The following CDH4 variants were observed in gnomAD, a reference collection of about 807,000 sequenced individuals.
CDH4 encodes cadherin-4.
A neutral mutation model predicts 86.0 loss-of-function variants in CDH4; 33 were observed. That is an observed-to-expected ratio of 0.38 (90% CI 0.29 to 0.51). CDH4 has a LOEUF of 0.51. Among genes scored for constraint, CDH4 ranks in the 20% least tolerant of loss-of-function variants. CDH4 has a pLI of 0.86. For missense variants in CDH4, 1,114 were observed against 1,307.4 expected (o/e 0.85, Z 2.28); for synonymous variants, 555 against 549.4 (o/e 1.01, Z -0.14).
chr20:61,317,174 C>T (rs2084481318), intron 2 of CDH4, among the ~76,000 whole-genome samples: 1 of 152,056 alleles, frequency 6.6e-6, no homozygotes, highest in Non-Finnish European at 1.5e-5. Context: ...GTGAGGAGAT[C>T]AAGACCATCC....
intron 2 of CDH4, among the ~76,000 whole-genome samples, chr20:61,371,016 C>T (rs959661704): frequency 6.6e-6 from 1 of 152,218 alleles, no homozygotes; most frequent in African/African-American, 2.4e-5. Flanking sequence ...GGGGCGGGAG[C>T]GCGCAGCCTG....
In CDH4 at chr20:61,933,231, T is replaced by C. The variant is rs6061911; in HGVS notation, c.2379+107T>C. ...GTTTAACAGTAAGACATTTCAACCT[T>C]TTCACCAGTGAAGGTGCCAGGCAGG... is the stretch of plus-strand genomic sequence containing the variant. On this transcript the variant is annotated intron_variant, in intron 14 of 15. Transcript: ENST00000614565. 12,611 of 1,409,150 alleles carry C rather than the reference T, an allele frequency of 8.9e-3. 69 individuals carry two copies. The highest frequency in any genetic ancestry group is 0.01 in the South Asian group (773 of 76,078). The allele number at this position is 1,409,150 out of a possible 1,614,324, so 87.3% of individuals were successfully genotyped here.
At chr20:61,315,001 A>G (rs1179117465) in intron 2 of CDH4, among the ~76,000 whole-genome samples, 1 of 152,090 alleles carries the variant, frequency 6.6e-6, no homozygotes, top group East Asian at 1.9e-4. Context: ...ATTTGTTTGC[A>G]TTCCTTATGT....
At chr20:61,454,494 G>A (rs2085397118) in intron 2 of CDH4, among the ~76,000 whole-genome samples, 2 of 152,168 alleles carry the variant, frequency 1.3e-5, no homozygotes, top group Non-Finnish European at 1.5e-5. Context: ...CCCCCAGGCT[G>A]GAGTGCAGTG....
At chr20:61,298,734 A>T (rs1036672274) in intron 2 of CDH4, among the ~76,000 whole-genome samples, 1 of 151,966 alleles carries the variant, frequency 6.6e-6, no homozygotes, top group Non-Finnish European at 1.5e-5. Flanking sequence ...AGAAAAATAA[A>T]CTTAAAAGAA....
At chr20:61,554,891 A>G (rs535550288) in intron 2 of CDH4, among the ~76,000 whole-genome samples, 133 of 152,148 alleles carry the variant, frequency 8.7e-4, no homozygotes, top group Non-Finnish European at 1.5e-3. Flanking sequence ...CTCACGTTTT[A>G]CATGTATGTG....
chr20:61,687,189 C>T (rs2087592556), intron 2 of CDH4, among the ~76,000 whole-genome samples: 1 of 152,246 alleles, frequency 6.6e-6, no homozygotes, highest in South Asian at 2.1e-4. Flanking sequence ...CAGAAAGCTG[C>T]AGAGGTGCCC....
Position 61,807,826 on chromosome 20 carries a change from A to G in CDH4, c.576+34644A>G, listed in dbSNP as rs935917857. Among the ~76,000 whole-genome samples the G allele has an allele frequency of 9.3e-4, 142 of 152,306 alleles. No homozygotes were observed. Among genetic ancestry groups the G allele is most frequent in the African/African-American group, 3.3e-3 (137 of 41,572 alleles). ...ACGTCTCTGCACACAGCACATATCC[A>G]TGCAGGATGGTCAGTACTGTCGCTT... On this transcript the variant is annotated intron_variant, in intron 4 of 15. Coordinates refer to ENST00000614565, the MANE Select transcript of CDH4 (RefSeq NM_001794.5). This position sits in a 1 kb window ranked among gnomAD's most constrained non-coding sequence, Gnocchi z 4.5.
At chr20:61,325,145 C>T (rs908832926) in intron 2 of CDH4, among the ~76,000 whole-genome samples, 4 of 151,662 alleles carry the variant, frequency 2.6e-5, no homozygotes, top group South Asian at 2.1e-4. Context: ...CGGTGCCTGA[C>T]GCACAGCCAG....
At chr20:61,766,628 G>A (rs1236756467) in intron 3 of CDH4, among the ~76,000 whole-genome samples, 1 of 152,148 alleles carries the variant, frequency 6.6e-6, no homozygotes, top group Non-Finnish European at 1.5e-5. Context: ...ATCCTGACTT[G>A]AGCAGTGGAG....
At chr20:61,627,481 C>T (rs2086839544) in intron 2 of CDH4, among the ~76,000 whole-genome samples, 1 of 152,178 alleles carries the variant, frequency 6.6e-6, no homozygotes, top group African/African-American at 2.4e-5. Context: ...ATGCCAGGAG[C>T]ACCCTGCCCC....
intron 2 of CDH4, among the ~76,000 whole-genome samples, chr20:61,550,566 G>T (rs1323803178): frequency 2.0e-5 from 3 of 151,256 alleles, no homozygotes; most frequent in East Asian, 3.9e-4. Context: ...GCGGGACCCT[G>T]CCCTTGTGTT....
At chr20:61,524,711 C>G (rs6061267) in intron 2 of CDH4, among the ~76,000 whole-genome samples, 1 of 152,168 alleles carries the variant, frequency 6.6e-6, no homozygotes, top group African/African-American at 2.4e-5. Flanking sequence ...TCTCGAACTC[C>G]TGAGCTCAAG....
intron 2 of CDH4, among the ~76,000 whole-genome samples, chr20:61,716,487 G>A (rs1048177979): frequency 5.3e-5 from 8 of 152,248 alleles, no homozygotes; most frequent in African/African-American, 1.9e-4. Context: ...ATCCTCACTG[G>A]AGGTCTGAGT....
intron 2 of CDH4, among the ~76,000 whole-genome samples, chr20:61,550,091 C>A (rs912069509): frequency 6.6e-6 from 1 of 151,592 alleles, no homozygotes; most frequent in Non-Finnish European, 1.5e-5. Context: ...CCTGGCCTCC[C>A]TGCCCCAGCT....
intron 2 of CDH4, among the ~76,000 whole-genome samples, chr20:61,362,869 C>G (rs1056367132): frequency 6.6e-6 from 1 of 152,152 alleles, no homozygotes; most frequent in Non-Finnish European, 1.5e-5. Flanking sequence ...CATCATTGGT[C>G]CAACTGGGTC....
intron 2 of CDH4, among the ~76,000 whole-genome samples, chr20:61,675,961 A>G (rs1156696541): frequency 6.6e-6 from 1 of 152,232 alleles, no homozygotes; most frequent in African/African-American, 2.4e-5. Context: ...CTGCACACTC[A>G]GCCCAGCTCT....
chr20:61,770,064 A>G (rs2088756140), intron 3 of CDH4, among the ~76,000 whole-genome samples: 2 of 152,150 alleles, frequency 1.3e-5, no homozygotes, highest in African/African-American at 4.8e-5. Context: ...CATGGAGTCC[A>G]GTTGTCTGTG....
intron 2 of CDH4, among the ~76,000 whole-genome samples, chr20:61,584,104 G>T (rs143821266): frequency 8.5e-4 from 130 of 152,308 alleles, no homozygotes; most frequent in African/African-American, 2.6e-3. Context: ...AGGTTGCAGT[G>T]AACCAAGATC....
Sources: allele counts gnomAD v4.1 joint callset (sites outside exome capture counted in the v4.1 genomes callset), GRCh38; gene constraint gnomAD v4.1.1; non-coding constraint Gnocchi (gnomAD v3.1); transcripts MANE v1.5; gene names NCBI Gene and HGNC (gene_info 2026-07-23, HGNC 2026-07-21).